The following ZNF423 variants were observed in gnomAD, a reference collection of about 807,000 sequenced individuals.
ZNF423 encodes the protein Ebf-associated zinc finger protein.
ZNF423 carries 12 observed loss-of-function variants against 95.8 expected under a neutral mutation model. The ratio of observed to expected loss-of-function variants is 0.13; its 90% CI spans 0.08 to 0.20. ZNF423 has a LOEUF of 0.20. Among genes scored for constraint, ZNF423 ranks in the 10% least tolerant of loss-of-function variants. The pLI, the probability that ZNF423 is intolerant of heterozygous loss-of-function variation, is 1.00. For synonymous variants in ZNF423, 749 were observed against 711.9 expected (o/e 1.05, Z -0.83); for missense variants, 1,316 against 1,737.1 (o/e 0.76, Z 4.31).
chr16:49,796,895 C>G (rs1167518605), intron 1 of ZNF423, among the ~76,000 whole-genome samples: 3 of 152,188 alleles, frequency 2.0e-5, no homozygotes, highest in Non-Finnish European at 2.9e-5. Context: ...CCCAAAATAA[C>G]TTTAAGCACC....
rs565605500 is a variant in ZNF423, at chr16:49,581,045, GC to G, written c.3601+45124del. On this transcript the variant is annotated intron_variant, in intron 5 of 7. Coordinates refer to ENST00000563137, the MANE Select transcript of ZNF423 (RefSeq NM_001379286.1). ...ATAAATGATTCACGAGATTGCCACA[GC>G]CCACCTCAGTCCTCCTTAAGAACCG... Among the ~76,000 whole-genome samples, 12 of 152,256 alleles carry G rather than the reference GC, an allele frequency of 7.9e-5. No homozygotes were observed. In the East Asian group the frequency reaches 2.3e-3, roughly 29 times the overall value.
intron 1 of ZNF423, among the ~76,000 whole-genome samples, chr16:49,812,146 C>G (rs2034763655): frequency 6.6e-6 from 1 of 152,230 alleles, no homozygotes; most frequent in Non-Finnish European, 1.5e-5. Flanking sequence ...CCTCATTGCA[C>G]AGGCAAGAAA....
chr16:49,800,270 G>A (rs926212649), intron 1 of ZNF423, among the ~76,000 whole-genome samples: 5 of 151,452 alleles, frequency 3.3e-5, no homozygotes, highest in African/African-American at 1.2e-4. Flanking sequence ...ATATTTTTCT[G>A]TAGAGATGGG....
intron 5 of ZNF423, among the ~76,000 whole-genome samples, chr16:49,526,420 G>C (rs959417589): frequency 6.6e-6 from 1 of 152,148 alleles, no homozygotes; most frequent in South Asian, 2.1e-4. Flanking sequence ...AGGCGCCGGG[G>C]GACACAGAGT....
intron 3 of ZNF423, among the ~76,000 whole-genome samples, chr16:49,691,865 C>T (rs1415792071): frequency 6.6e-6 from 1 of 152,202 alleles, no homozygotes; most frequent in Non-Finnish European, 1.5e-5. Flanking sequence ...GAGCACTTGG[C>T]CTCCTCCTGC....
At chr16:49,820,026 GTGGATGGATGGA>G (rs111486773) in intron 1 of ZNF423, among the ~76,000 whole-genome samples, 23 of 150,590 alleles carry the variant, frequency 1.5e-4, no homozygotes, top group East Asian at 5.9e-4. Context: ...TGTTGAATAG[GTGGATGGATGGA>G]TGGATGGATG....
rs769972969 is a variant in ZNF423, at chr16:49,491,261, T to C, written c.*14A>G. Reference sequence around the variant, plus strand: ...GCAAGCCTTCTGCGGAGAGGTGTCCTGTTGAGCGATCCCTCACTGTGCGTG... The same window carrying C: ...GCAAGCCTTCTGCGGAGAGGTGTCCCGTTGAGCGATCCCTCACTGTGCGTG... On this transcript the variant is annotated 3_prime_UTR_variant, in exon 8 of 8. Coordinates refer to ENST00000563137, the MANE Select transcript of ZNF423 (RefSeq NM_001379286.1). 5.0e-6 allele frequency: 8 copies of C among 1,613,994 alleles called. No individual in the cohort carries two copies. The highest frequency in any genetic ancestry group is 3.3e-5 in the South Asian group (3 of 91,084).
chr16:49,506,364 G>A (rs1261974385), intron 7 of ZNF423, among the ~76,000 whole-genome samples: 5 of 152,096 alleles, frequency 3.3e-5, no homozygotes, highest in Non-Finnish European at 7.4e-5. Flanking sequence ...TGGAGGAATA[G>A]GTAGGTGGAA....
intron 2 of ZNF423, among the ~76,000 whole-genome samples, chr16:49,780,920 A>G (rs1277159785): frequency 1.3e-5 from 2 of 152,240 alleles, no homozygotes; most frequent in East Asian, 3.9e-4. Context: ...CATCAAGAAG[A>G]TGATTGGGTT....
chr16:49,734,724 C>T (rs542858727), intron 2 of ZNF423, among the ~76,000 whole-genome samples: 6 of 152,188 alleles, frequency 3.9e-5, no homozygotes, highest in Non-Finnish European at 5.9e-5. Flanking sequence ...CCGACCTGTC[C>T]GTCCAGCTGA....
intron 3 of ZNF423, among the ~76,000 whole-genome samples, chr16:49,676,613 A>C (rs953296584): frequency 3.3e-5 from 5 of 151,976 alleles, no homozygotes; most frequent in Admixed American, 1.3e-4. Context: ...GCAGCCACAA[A>C]CAACTGTTCT....
At chr16:49,780,667 T>G (rs900264427) in intron 2 of ZNF423, 1 of 152,180 alleles carries the variant, frequency 6.6e-6, no homozygotes, top group Non-Finnish European at 1.5e-5. Flanking sequence ...CAGGGGTCCA[T>G]GGAGCCAACC....
upstream of ZNF423, among the ~76,000 whole-genome samples, chr16:49,856,375 G>C (rs967299308): frequency 2.0e-5 from 3 of 148,964 alleles, no homozygotes; most frequent in Non-Finnish European, 4.5e-5. Flanking sequence ...GTATCTCAAG[G>C]GGGGAGGAGA....
At chr16:49,778,863 C>A (rs562927474) in intron 2 of ZNF423, among the ~76,000 whole-genome samples, 1 of 152,286 alleles carries the variant, frequency 6.6e-6, no homozygotes, top group African/African-American at 2.4e-5. Flanking sequence ...CCAGGTGGCA[C>A]CTTAGGGGTT....
At chr16:49,523,794 G>C in intron 6 of ZNF423, 55 bp from the exon 7 acceptor site, 1 of 1,458,864 alleles carries the variant, frequency 6.9e-7, no homozygotes, top group Non-Finnish European at 9.5e-7. Context: ...CCAGCCTCCT[G>C]TGGCAGCTGC....
intron 3 of ZNF423, among the ~76,000 whole-genome samples, chr16:49,683,939 C>T (rs1157010196): frequency 2.0e-5 from 3 of 152,080 alleles, no homozygotes; most frequent in African/African-American, 7.2e-5. Context: ...GGCTTAGTGG[C>T]GTGCACCTGT....
At chr16:49,546,874 C>A (rs569319398) in intron 5 of ZNF423, among the ~76,000 whole-genome samples, 1 of 152,140 alleles carries the variant, frequency 6.6e-6, no homozygotes, top group East Asian at 1.9e-4. Context: ...AAGAGCATAA[C>A]ATTTGTTAAC....
At chr16:49,497,382 G>A (rs984971897) in intron 7 of ZNF423, among the ~76,000 whole-genome samples, 2 of 152,186 alleles carry the variant, frequency 1.3e-5, no homozygotes, top group Non-Finnish European at 2.9e-5. Flanking sequence ...TGAGGGTGCC[G>A]ATGGCCAAAC....
intron 2 of ZNF423, among the ~76,000 whole-genome samples, chr16:49,777,022 G>A (rs572976725): frequency 5.9e-5 from 9 of 152,000 alleles, no homozygotes; most frequent in Admixed American, 2.6e-4. Context: ...GTGCACATGC[G>A]CACTATGGGT....
Sources: allele counts gnomAD v4.1 joint callset (sites outside exome capture counted in the v4.1 genomes callset), GRCh38; gene constraint gnomAD v4.1.1; transcripts MANE v1.5; gene names NCBI Gene and HGNC (gene_info 2026-07-23, HGNC 2026-07-21).